The following BCAR3 variants were observed in gnomAD, a reference collection of about 807,000 sequenced individuals.
BCAR3 encodes breast cancer anti-estrogen resistance protein 3.
BCAR3 carries 37 observed loss-of-function variants against 80.1 expected under a neutral mutation model. That is an observed-to-expected ratio of 0.46 (90% CI 0.36 to 0.61). The LOEUF (loss-of-function observed/expected upper bound fraction) is 0.61, where lower values mean the gene tolerates loss of function less well. Ranked by LOEUF, BCAR3 falls within the 20% of genes least tolerant of loss-of-function variation. The probability of loss-of-function intolerance (pLI) is 0.00; values close to 1 mark genes in which losing one functional copy is unlikely to be tolerated. For synonymous variants in BCAR3, 389 were observed against 418.9 expected (o/e 0.93, Z 0.87); for missense variants, 978 against 1,068.2 (o/e 0.92, Z 1.18).
intron 2 of BCAR3, among the ~76,000 whole-genome samples, chr1:93,718,245 G>T (rs975474454): frequency 5.3e-5 from 8 of 152,170 alleles, no homozygotes; most frequent in Non-Finnish European, 4.4e-5. Context: ...TGGGCAGGTA[G>T]AAAATGAAGG....
intron 7 of BCAR3, among the ~76,000 whole-genome samples, chr1:93,580,479 T>A (rs1297465542): frequency 6.8e-6 from 1 of 147,142 alleles, no homozygotes; most frequent in African/African-American, 2.5e-5. Context: ...TCTGCAACAG[T>A]AGATTCAACC....
chr1:93,677,441 G>A (rs543988414), intron 1 of BCAR3, among the ~76,000 whole-genome samples: 1 of 152,268 alleles, frequency 6.6e-6, no homozygotes, highest in East Asian at 1.9e-4. Context: ...GAAGTGCTAG[G>A]GAAGATCTGG....
chr1:93,587,528 C>T (rs1673993285), intron 5 of BCAR3, among the ~76,000 whole-genome samples: 3 of 152,154 alleles, frequency 2.0e-5, no homozygotes, highest in South Asian at 2.1e-4. Context: ...AATGTGGAGC[C>T]GGCATTTGTG....
intron 2 of BCAR3, among the ~76,000 whole-genome samples, chr1:93,845,400 T>A (rs1655114608): frequency 6.7e-6 from 1 of 149,796 alleles, no homozygotes. Context: ...ATTTTATCCA[T>A]ATGAGAATTC....
intron 2 of BCAR3, among the ~76,000 whole-genome samples, chr1:93,740,175 T>C (rs534654351): frequency 6.6e-6 from 1 of 152,382 alleles, no homozygotes; most frequent in South Asian, 2.1e-4. Context: ...GCAGGTATCT[T>C]GTCACCCAGG....
intron 2 of BCAR3, among the ~76,000 whole-genome samples, chr1:93,786,176 G>C (rs1652933500): frequency 1.1e-5 from 1 of 89,878 alleles, no homozygotes. Flanking sequence ...CTGGGCGTCA[G>C]AGCGAGACTC....
intron 1 of BCAR3, among the ~76,000 whole-genome samples, chr1:93,678,295 TGAA>T (rs1482944604): frequency 6.6e-6 from 1 of 152,208 alleles, no homozygotes; most frequent in African/African-American, 2.4e-5. Context: ...TCAATGATGA[TGAA>T]GGAGTATCAT....
chr1:93,665,921 C>G (rs574077841), intron 2 of BCAR3, among the ~76,000 whole-genome samples: 2 of 152,176 alleles, frequency 1.3e-5, no homozygotes, highest in Non-Finnish European at 2.9e-5. Flanking sequence ...CTCTCCCCCA[C>G]CCCACCATAT....
intron 2 of BCAR3, 110 bp downstream of exon 2, chr1:93,674,504 C>A: frequency 8.3e-7 from 1 of 1,204,940 alleles, no homozygotes; most frequent in South Asian, 1.4e-5. Flanking sequence ...CCCATCTCAG[C>A]CTCCCAAAGT....
At chr1:93,604,437 T>C (rs147244421) in intron 3 of BCAR3, among the ~76,000 whole-genome samples, 379 of 152,348 alleles carry the variant, frequency 2.5e-3, no homozygotes, top group African/African-American at 8.7e-3. Flanking sequence ...GAAATTCCCA[T>C]TAAATTTCTG....
intron 2 of BCAR3, among the ~76,000 whole-genome samples, chr1:93,775,622 GA>G (rs1281441751): frequency 1.3e-5 from 2 of 152,052 alleles, no homozygotes; most frequent in African/African-American, 4.8e-5. Flanking sequence ...GAAATCACTG[GA>G]AAAAAAGTGC....
At chr1:93,564,877 G>A (rs946074112) in intron 11 of BCAR3, among the ~76,000 whole-genome samples, 2 of 152,158 alleles carry the variant, frequency 1.3e-5, no homozygotes, top group African/African-American at 4.8e-5. Context: ...GTCTGCTTAA[G>A]GCCAAAGATG....
intron 3 of BCAR3, among the ~76,000 whole-genome samples, chr1:93,601,091 T>A (rs1469716794): frequency 6.6e-6 from 1 of 152,140 alleles, no homozygotes; most frequent in Non-Finnish European, 1.5e-5. Context: ...GGAGTGGGGA[T>A]AATAACTCCC....
intron 2 of BCAR3, among the ~76,000 whole-genome samples, chr1:93,668,434 G>C (rs1648028558): frequency 1.3e-5 from 2 of 152,308 alleles, no homozygotes; most frequent in South Asian, 4.1e-4. Flanking sequence ...CTCTGACCCA[G>C]CTGCTCCTGT....
intron 2 of BCAR3, among the ~76,000 whole-genome samples, chr1:93,771,107 G>A (rs1447808213): frequency 6.6e-6 from 1 of 152,092 alleles, no homozygotes; most frequent in Non-Finnish European, 1.5e-5. Context: ...CATGTACTGT[G>A]TTCTCATTTT....
chr1:93,677,243 A>T (rs1648528639), intron 1 of BCAR3, among the ~76,000 whole-genome samples: 1 of 152,196 alleles, frequency 6.6e-6, no homozygotes, highest in African/African-American at 2.4e-5. Context: ...AAAAGTTAAC[A>T]TGTGGGGAAA....
At chr1:93,777,422 C>T (rs1359226603) in intron 2 of BCAR3, among the ~76,000 whole-genome samples, 2 of 127,148 alleles carry the variant, frequency 1.6e-5, no homozygotes, top group African/African-American at 6.7e-5. Context: ...TCTTCCTCCT[C>T]CTCTTCCTCC....
chr1:93,655,467 T>C (rs1647330564), intron 2 of BCAR3, among the ~76,000 whole-genome samples: 1 of 151,884 alleles, frequency 6.6e-6, no homozygotes, highest in South Asian at 2.1e-4. Context: ...CTTTGGTGAG[T>C]GAAAGGGAAG....
intron 3 of BCAR3, among the ~76,000 whole-genome samples, chr1:93,629,765 T>C (rs181321471): frequency 2.4e-4 from 36 of 152,164 alleles, no homozygotes; most frequent in African/African-American, 8.4e-4. Context: ...TCCCAAAGAG[T>C]AGATAGGTCT....
Sources: allele counts gnomAD v4.1 joint callset (sites outside exome capture counted in the v4.1 genomes callset), GRCh38; gene constraint gnomAD v4.1.1; transcripts MANE v1.5; gene names NCBI Gene and HGNC (gene_info 2026-07-23, HGNC 2026-07-21).